Variants in SCLT1 observed in about 807,000 individuals in gnomAD.
SCLT1 encodes the protein sodium channel-associated protein 1.
In SCLT1, 78 loss-of-function variants were observed where a neutral mutation model predicts 112.8. The observed-to-expected ratio is 0.69, with a 90% CI of 0.58 to 0.83. SCLT1 has a LOEUF of 0.83. Ranked by LOEUF, SCLT1 falls within the 40% of genes least tolerant of loss-of-function variation. The pLI is 0.00. For missense variants in SCLT1, 747 were observed against 770.4 expected (o/e 0.97, Z 0.36); for synonymous variants, 257 against 254.7 (o/e 1.01, Z -0.09).
rs561605987 is a variant in SCLT1, at chr4:129,070,866, G to T, written c.102+11440C>A. On this transcript the variant is annotated intron_variant, in intron 2 of 20. Transcript: ENST00000281142. The stretch of plus-strand genomic sequence containing the variant: ...TCTAGTCCCTTGAGGTGTGACCTTG[G>T]AATGTCAGTTTGTGCTCTTTCAGTC... 1.1e-3 allele frequency among the ~76,000 whole-genome samples: 160 copies of T among 152,194 alleles called. 3 individuals are homozygous for T. The highest frequency in any genetic ancestry group is 3.1e-4 in the Non-Finnish European group (21 of 68,016).
chr4:129,068,437 C>T (rs899487455), intron 2 of SCLT1, among the ~76,000 whole-genome samples: 8 of 152,064 alleles, frequency 5.3e-5, no homozygotes, highest in Non-Finnish European at 7.4e-5. Flanking sequence ...GGTGGTATCA[C>T]GTTGTGGTTT....
In SCLT1 at chr4:128,969,676, A is replaced by C. The variant is rs180705206; in HGVS notation, c.777+702T>G. Among the ~76,000 whole-genome samples the C allele has an allele frequency of 1.7e-4, 26 of 152,304 alleles. No homozygotes were observed. In the East Asian group the frequency reaches 5.0e-3, roughly 29 times the overall value. On this transcript the variant is annotated intron_variant, in intron 10 of 20. Transcript: ENST00000281142. Reference sequence around the variant, plus strand: ...ATACAAAGGTGTTTTCTGAAGCCACAGCTGTGGGGGTTGGGAGAACCATCA... The same window carrying C: ...ATACAAAGGTGTTTTCTGAAGCCACCGCTGTGGGGGTTGGGAGAACCATCA...
intron 2 of SCLT1, among the ~76,000 whole-genome samples, chr4:129,060,939 G>T (rs1368856759): frequency 1.3e-5 from 2 of 152,132 alleles, no homozygotes; most frequent in African/African-American, 4.8e-5. Flanking sequence ...ACAGAGCCAG[G>T]ATCTGGACTC....
chr4:128,914,909 G>GT lies in SCLT1; in HGVS notation c.1829+21745dup, dbSNP rs1196575561. The stretch of plus-strand genomic sequence containing the variant: ...GATAACAAGTAGCAAGATTGATGAG[G>GT]TTTTTTGACACAACTCATTCTAGTA... On this transcript the variant is annotated intron_variant, in intron 18 of 20. Coordinates refer to ENST00000281142, the MANE Select transcript of SCLT1 (RefSeq NM_144643.4). Among the ~76,000 whole-genome samples, 10 of 151,974 alleles carry GT rather than the reference G, an allele frequency of 6.6e-5. No homozygotes were observed. The East Asian group carries it at 1.7e-3, about 26-fold the overall frequency.
chr4:128,888,531 A>G, intron 20 of SCLT1, 148 bp downstream of exon 20: 1 of 513,908 alleles, frequency 1.9e-6, no homozygotes, highest in South Asian at 3.4e-5. Flanking sequence ...TTTTGTTTCC[A>G]ATGTTTACTT....
intron 10 of SCLT1, among the ~76,000 whole-genome samples, chr4:128,969,491 G>T (rs1740494135): frequency 6.6e-6 from 1 of 152,100 alleles, no homozygotes; most frequent in African/African-American, 2.4e-5. Context: ...AGGACGGCAT[G>T]AACCCGGGAG....
rs1429440912 is a variant in SCLT1 at position 128,884,151 on chromosome 4, T to G, written c.*326A>C. On this transcript the variant is annotated 3_prime_UTR_variant, in exon 21 of 21. Coordinates refer to ENST00000281142, the MANE Select transcript of SCLT1 (RefSeq NM_144643.4). ...GAATTTTCTTAAAAACTCTTTCTTA[T>G]GAAAGAGAAATTTGCATAGTTTGAA... 5.0e-6 allele frequency: 1 copy of G among 198,304 alleles called. No individual in the cohort carries two copies. 12.3% of individuals were successfully genotyped at this position (198,304 alleles called of 1,614,324 possible).
At chr4:129,092,692 C>G (rs533576910) in intron 1 of SCLT1, among the ~76,000 whole-genome samples, 4 of 152,300 alleles carry the variant, frequency 2.6e-5, no homozygotes. Context: ...TCCATAGTGT[C>G]TGGTACATAA....
At chr4:129,051,062 C>G (rs902592709) in intron 2 of SCLT1, among the ~76,000 whole-genome samples, 9 of 152,082 alleles carry the variant, frequency 5.9e-5, no homozygotes, top group Admixed American at 5.9e-4. Flanking sequence ...TCTGAGGCCT[C>G]TGTTCTGTTC....
chr4:129,086,735 A>G (rs1042264694), intron 1 of SCLT1, among the ~76,000 whole-genome samples: 9 of 152,178 alleles, frequency 5.9e-5, no homozygotes, highest in Admixed American at 4.6e-4. Flanking sequence ...TACAGCCTGT[A>G]AAAGACACCA....
chr4:129,056,004 GCA>G (rs967042030), intron 2 of SCLT1, among the ~76,000 whole-genome samples: 33 of 152,158 alleles, frequency 2.2e-4, no homozygotes, highest in African/African-American at 7.2e-4. Flanking sequence ...GGGCCGAATA[GCA>G]CAGTCCCTCA....
intron 13 of SCLT1, 67 bp from the exon 14 acceptor site, chr4:128,952,907 A>G (rs1738884838): frequency 1.2e-6 from 1 of 800,644 alleles, no homozygotes; most frequent in Non-Finnish European, 2.2e-6. Context: ...TGATAAAAAC[A>G]CTCAGGATAA....
intron 5 of SCLT1, among the ~76,000 whole-genome samples, chr4:129,026,216 C>G (rs1210299716): frequency 3.9e-5 from 6 of 152,060 alleles, no homozygotes; most frequent in African/African-American, 1.2e-4. Context: ...GACATCTACA[C>G]AACTCTCCAC....
At chr4:129,048,168 CA>C (rs1345187208) in intron 2 of SCLT1, among the ~76,000 whole-genome samples, 1 of 152,094 alleles carries the variant, frequency 6.6e-6, no homozygotes, top group Non-Finnish European at 1.5e-5. Context: ...CCCGCATCAC[CA>C]AGTCAATCCT....
At position 129,029,855 on chromosome 4, in the gene SCLT1, C is replaced by T. The variant is rs1483286235; in HGVS notation, c.290+9186G>A. On this transcript the variant is annotated intron_variant, in intron 5 of 20. Transcript: ENST00000281142. ...CTACAAAGAGACTTAGGCTCCCATA[C>T]AATACTAGTGGGAGACTTTAACATC... is the stretch of plus-strand genomic sequence containing the variant. Among the ~76,000 whole-genome samples the T allele has an allele frequency of 2.0e-5, 3 of 152,058 alleles. No homozygotes were observed. In the East Asian group the frequency reaches 5.8e-4, roughly 29 times the overall value.
At chr4:128,931,751 C>T (rs556550988) in intron 18 of SCLT1, among the ~76,000 whole-genome samples, 52 of 152,278 alleles carry the variant, frequency 3.4e-4, no homozygotes, top group South Asian at 6.2e-4. Context: ...CGTGAGCCAC[C>T]GCACCCGGCC....
intron 18 of SCLT1, among the ~76,000 whole-genome samples, chr4:128,923,920 T>C (rs945674934): frequency 6.6e-6 from 1 of 151,952 alleles, no homozygotes; most frequent in African/African-American, 2.4e-5. Context: ...GTGATCCTCC[T>C]ACCTCAGCTT....
intron 2 of SCLT1, among the ~76,000 whole-genome samples, chr4:129,081,345 C>T (rs1751919695): frequency 6.6e-6 from 1 of 152,220 alleles, no homozygotes. Flanking sequence ...CTCTAACGCT[C>T]TGGTCCCCTG....
At chr4:128,966,706 T>G (rs1218326022) in intron 10 of SCLT1, among the ~76,000 whole-genome samples, 1 of 152,212 alleles carries the variant, frequency 6.6e-6, no homozygotes, top group Non-Finnish European at 1.5e-5. Flanking sequence ...GGGGACAAAC[T>G]CTCTCATTTT....
Sources: gnomAD v4.1 joint callset for allele counts (sites outside exome capture counted in the v4.1 genomes callset) on GRCh38, gnomAD v4.1.1 for gene constraint, MANE v1.5 for transcripts, NCBI Gene and HGNC (gene_info 2026-07-23, HGNC 2026-07-21) for gene names.